The following HPRT1 variants were observed in gnomAD, a reference collection of about 807,000 sequenced individuals.
HPRT1 encodes the protein hypoxanthine phosphoribosyltransferase 1, also known as hypoxanthine-guanine phosphoribosyltransferase.
Under a neutral mutation model 19.0 loss-of-function variants are expected in HPRT1, and 4 were observed. The observed-to-expected ratio is 0.21, with a 90% CI of 0.10 to 0.48. HPRT1 has a LOEUF of 0.48. Among genes scored for constraint, HPRT1 ranks in the 20% least tolerant of loss-of-function variants. The pLI, the probability that HPRT1 is intolerant of heterozygous loss-of-function variation, is 0.98. For missense variants in HPRT1, 65 were observed against 164.0 expected (o/e 0.40, Z 3.30); for synonymous variants, 53 against 54.9 (o/e 0.97, Z 0.15).
rs1271179511 is a variant in HPRT1, at chrX:134,460,215, C to G, written c.-97C>G. On this transcript the variant is annotated 5_prime_UTR_variant, in exon 1 of 9. Coordinates refer to ENST00000298556, the MANE Select transcript of HPRT1 (RefSeq NM_000194.3). ...TCAGGCGAACCTCTCGGCTTTCCCGCGCGGCGCCGCCTCTTGCTGCGCCTC... is the reference window on the plus strand; with the variant it reads ...TCAGGCGAACCTCTCGGCTTTCCCGGGCGGCGCCGCCTCTTGCTGCGCCTC... The G allele has an allele frequency of 1.0e-6, 1 of 952,665 alleles. No homozygotes were observed. The highest frequency in any genetic ancestry group is 1.4e-6 in the Non-Finnish European group (1 of 707,256). 78.5% of individuals were successfully genotyped at this position (952,665 alleles called of 1,213,427 possible).
intron 5 of HPRT1, among the ~76,000 whole-genome samples, chrX:134,492,701 A>G (rs751074964): frequency 1.8e-5 from 2 of 112,375 alleles, no homozygotes; most frequent in South Asian, 3.7e-4. Flanking sequence ...ACCTAATCAC[A>G]GGAGCGGCTA....
At chrX:134,464,571 A>G (rs1403193062) in intron 1 of HPRT1, among the ~76,000 whole-genome samples, 1 of 111,520 alleles carries the variant, frequency 9.0e-6, no homozygotes, top group African/African-American at 3.3e-5. Context: ...GCTCATTTTT[A>G]TCTTTTATTT....
chrX:134,490,340 T>C (rs766165738), intron 5 of HPRT1, 135 bp downstream of exon 5: 5 of 336,913 alleles, frequency 1.5e-5, no homozygotes, highest in Non-Finnish European at 2.6e-5. Context: ...AGGAGTGAGA[T>C]TGGTTTTTTG....
intron 1 of HPRT1, among the ~76,000 whole-genome samples, chrX:134,470,210 C>T (rs1387148408): frequency 8.9e-6 from 1 of 111,985 alleles, no homozygotes; most frequent in Non-Finnish European, 1.9e-5. Flanking sequence ...AGGGGCATGT[C>T]CTGGTCCACC....
intron 3 of HPRT1, among the ~76,000 whole-genome samples, chrX:134,480,682 C>G (rs1393332239): frequency 2.9e-5 from 3 of 104,350 alleles, no homozygotes; most frequent in Non-Finnish European, 5.9e-5. Flanking sequence ...CTCCTGGTCT[C>G]AAGCAATCCT....
chrX:134,497,692 A>T (rs974626516), intron 6 of HPRT1, among the ~76,000 whole-genome samples: 1 of 111,130 alleles, frequency 9.0e-6, no homozygotes, highest in Admixed American at 9.5e-5. Flanking sequence ...TACGCCTGTA[A>T]TTTCAGCACT....
chrX:134,492,061 A>G (rs1178809017), intron 5 of HPRT1, among the ~76,000 whole-genome samples: 1 of 100,332 alleles, frequency 1.0e-5, no homozygotes, highest in Non-Finnish European at 2.0e-5. Flanking sequence ...ATATATATAT[A>G]TAGTTTTTTT....
At chrX:134,470,822 C>T (rs1010513258) in intron 1 of HPRT1, among the ~76,000 whole-genome samples, 2 of 109,187 alleles carry the variant, frequency 1.8e-5, no homozygotes, top group Non-Finnish European at 3.8e-5. Flanking sequence ...AATCCAAGCA[C>T]CTTGGGAGGC....
At chrX:134,490,265 T>C in intron 5 of HPRT1, 60 bp downstream of exon 5, 2 of 657,984 alleles carry the variant, frequency 3.0e-6, no homozygotes, top group Admixed American at 5.4e-5. Flanking sequence ...GTATGCACCA[T>C]CCTAAAGGTA....
rs1255973687 is a variant in HPRT1 at position 134,475,363 on chromosome X, G to C, written c.317G>C (p.Cys106Ser). Residue 106 changes from cysteine (C) to serine (S), a missense_variant and splice_region_variant, in exon 3 of 9, where the codon TGT becomes TCT. Around this residue, in one of 4 missense-constraint regions of HPRT1, gnomAD observed 16 missense variants for 16.0 expected, o/e 1.00. Coordinates refer to ENST00000298556, the MANE Select transcript of HPRT1 (RefSeq NM_000194.3). ...TVDFIRLKSY[C>S]NDQSTGDIKV... The stretch of plus-strand genomic sequence containing the variant: ...GATTTTATCAGACTGAAGAGCTATT[G>C]TGTGAGTATATTTAATATATGATTC... 1 of 1,109,746 alleles carries C rather than the reference G, an allele frequency of 9.0e-7. No homozygotes were observed. The highest frequency in any genetic ancestry group is 1.2e-6 in the Non-Finnish European group (1 of 804,977). 91.5% of individuals were successfully genotyped at this position (1,109,746 alleles called of 1,213,427 possible).
chrX:134,483,710 C>T (rs928037106), intron 3 of HPRT1, among the ~76,000 whole-genome samples: 18 of 111,634 alleles, frequency 1.6e-4, no homozygotes, highest in African/African-American at 5.2e-4. Flanking sequence ...GGGAGGTTCG[C>T]GCAGTTCCTT....
intron 8 of HPRT1, among the ~76,000 whole-genome samples, chrX:134,499,803 CA>C (rs17879788): frequency 5.1e-5 from 5 of 98,816 alleles, no homozygotes; most frequent in African/African-American, 3.7e-5. Flanking sequence ...GACTCCGTCT[CA>C]AAAAAAAAAA....
rs1186239281 is a variant in HPRT1, at chrX:134,491,935, ATG to A, written c.403-1561_403-1560del. Among the ~76,000 whole-genome samples the A allele has an allele frequency of 3.0e-3, 303 of 100,534 alleles. 6 individuals carry two copies. Among genetic ancestry groups the A allele is most frequent in the African/African-American group, 0.01 (286 of 27,439 alleles). 87.3% of individuals were successfully genotyped at this position (100,534 alleles called of 115,157 possible). A position where few individuals can be genotyped will look rare whatever the true frequency, so the allele number is the denominator to read the frequency against. On this transcript the variant is annotated intron_variant, in intron 5 of 8. Transcript: ENST00000298556. ...TGTGTGTGTATGTATGTATGTATAT[ATG>A]TGTGTGTGTGTATATATATATATAC... is the stretch of plus-strand genomic sequence containing the variant.
intron 3 of HPRT1, among the ~76,000 whole-genome samples, chrX:134,478,517 G>T (rs924842959): frequency 9.0e-6 from 1 of 111,137 alleles, no homozygotes; most frequent in African/African-American, 3.3e-5. Flanking sequence ...GGAGGCAGAG[G>T]CAGGAGCATC....
At chrX:134,468,754 CAAAAAAA>C (rs150188289) in intron 1 of HPRT1, among the ~76,000 whole-genome samples, 11 of 32,483 alleles carry the variant, frequency 3.4e-4, no homozygotes, top group African/African-American at 1.1e-3. Flanking sequence ...GACTCCGTCT[CAAAAAAA>C]AAAAAAAAAA....
At chrX:134,471,486 A>G (rs1437866377) in intron 1 of HPRT1, among the ~76,000 whole-genome samples, 1 of 111,493 alleles carries the variant, frequency 9.0e-6, no homozygotes, top group Non-Finnish European at 1.9e-5. Context: ...TTATGATGAC[A>G]CTTCATGAGT....
At chrX:134,486,818 TA>T (rs200825657) in intron 4 of HPRT1, among the ~76,000 whole-genome samples, 2,357 of 87,877 alleles carry the variant, frequency 0.027, 76 homozygotes, top group African/African-American at 0.085. Context: ...AGATAGCCTT[TA>T]AAAAAAAAAA....
intron 3 of HPRT1, among the ~76,000 whole-genome samples, chrX:134,476,007 A>G (rs895304901): frequency 7.2e-5 from 8 of 111,614 alleles, no homozygotes; most frequent in African/African-American, 1.3e-4. Flanking sequence ...ACTTTAGACT[A>G]TTGTTTCTGA....
At chrX:134,482,899 G>A (rs1171879059) in intron 3 of HPRT1, among the ~76,000 whole-genome samples, 1 of 110,167 alleles carries the variant, frequency 9.1e-6, no homozygotes, top group Non-Finnish European at 1.9e-5. Flanking sequence ...TTTGATCAGG[G>A]TATAGAAAAA....
Sources: gnomAD v4.1 joint callset for allele counts (sites outside exome capture counted in the v4.1 genomes callset) on GRCh38, gnomAD v4.1.1 for gene constraint, gnomAD v4.1.1 regional missense constraint, MANE v1.5 for transcripts, NCBI Gene and HGNC (gene_info 2026-07-23, HGNC 2026-07-21) for gene names.